The following GALNT13 variants were observed in gnomAD, a reference collection of about 807,000 sequenced individuals.
GALNT13 encodes polypeptide N-acetylgalactosaminyltransferase 13.
GALNT13 carries 28 observed loss-of-function variants against 64.2 expected under a neutral mutation model. The ratio of observed to expected loss-of-function variants is 0.44; its 90% CI spans 0.32 to 0.60. GALNT13 has a LOEUF of 0.60. Ranked by LOEUF, GALNT13 falls within the 20% of genes least tolerant of loss-of-function variation. The pLI is 0.05. For synonymous variants in GALNT13, 214 were observed against 224.6 expected (o/e 0.95, Z 0.42); for missense variants, 577 against 669.8 (o/e 0.86, Z 1.53).
chr2:153,635,367 T>C, the GALNT13 span, among the ~76,000 whole-genome samples: 1 of 141,990 alleles, frequency 7.0e-6, no homozygotes, highest in African/African-American at 2.6e-5. Flanking sequence ...AGATTTTTTC[T>C]AGAACTCTCT....
At chr2:153,481,269 TATTC>T in the GALNT13 span, among the ~76,000 whole-genome samples, 4 of 152,202 alleles carry the variant, frequency 2.6e-5, no homozygotes, top group Non-Finnish European at 5.9e-5. Context: ...TTATATTTAT[TATTC>T]ATTCATTAAT....
chr2:153,523,132 CT>C, the GALNT13 span, among the ~76,000 whole-genome samples: 1 of 137,464 alleles, frequency 7.3e-6, no homozygotes, highest in African/African-American at 2.8e-5. Flanking sequence ...ATTGCGTTGG[CT>C]TTGCTCCTTT....
At chr2:153,327,209 T>G in the GALNT13 span, among the ~76,000 whole-genome samples, 1 of 152,224 alleles carries the variant, frequency 6.6e-6, no homozygotes, top group African/African-American at 2.4e-5. Flanking sequence ...GGTAACCCTA[T>G]TCTTCTCTCT....
chr2:154,447,033 C>T (rs1045922368), intron 12 of GALNT13, among the ~76,000 whole-genome samples: 46 of 150,588 alleles, frequency 3.1e-4, no homozygotes, highest in Admixed American at 1.8e-3. Context: ...ACTTGATGAA[C>T]GATATTATGA....
At chr2:153,442,857 C>T in the GALNT13 span, among the ~76,000 whole-genome samples, 1 of 152,124 alleles carries the variant, frequency 6.6e-6, no homozygotes, top group Non-Finnish European at 1.5e-5. Context: ...GAGGGGAAAA[C>T]CGCCTACTCA....
chr2:153,111,598 C>T, the GALNT13 span, among the ~76,000 whole-genome samples: 1 of 152,078 alleles, frequency 6.6e-6, no homozygotes, highest in South Asian at 2.1e-4. Flanking sequence ...TACCCAGATT[C>T]CCAACACGAA....
the GALNT13 span, among the ~76,000 whole-genome samples, chr2:153,563,196 T>C: frequency 2.0e-5 from 3 of 152,126 alleles, no homozygotes; most frequent in Non-Finnish European, 2.9e-5. Flanking sequence ...GCTCTCCTTA[T>C]TGAATTTTGT....
chr2:153,399,466 C>A, the GALNT13 span, among the ~76,000 whole-genome samples: 4 of 151,996 alleles, frequency 2.6e-5, no homozygotes, highest in Admixed American at 2.6e-4. Flanking sequence ...TGAAGAAAGG[C>A]ATTGGTAGCT....
At chr2:153,644,497 C>T in the GALNT13 span, among the ~76,000 whole-genome samples, 2 of 151,974 alleles carry the variant, frequency 1.3e-5, no homozygotes, top group African/African-American at 4.8e-5. Context: ...GAAACTGGAG[C>T]TGTTAGCAGT....
At chr2:154,066,216 C>T (rs957575798) in intron 3 of GALNT13, among the ~76,000 whole-genome samples, 5 of 152,046 alleles carry the variant, frequency 3.3e-5, no homozygotes, top group African/African-American at 1.2e-4. Flanking sequence ...GATTGAAGCA[C>T]ACCTACAGGA....
the GALNT13 span, among the ~76,000 whole-genome samples, chr2:153,839,225 C>T: frequency 6.6e-6 from 1 of 151,782 alleles, no homozygotes; most frequent in Non-Finnish European, 1.5e-5. Flanking sequence ...TTTTACTCCT[C>T]ATTTCAAACT....
the GALNT13 span, among the ~76,000 whole-genome samples, chr2:153,279,836 T>C: frequency 6.6e-6 from 1 of 152,004 alleles, no homozygotes; most frequent in Non-Finnish European, 1.5e-5. Context: ...TTTTTTTTCA[T>C]TGTGTCTTTG....
intron 9 of GALNT13, among the ~76,000 whole-genome samples, chr2:154,367,210 C>T (rs942140552): frequency 1.3e-5 from 2 of 152,012 alleles, no homozygotes; most frequent in Non-Finnish European, 2.9e-5. Context: ...TAAGCAAGAT[C>T]ATTCTAAAAA....
At chr2:153,218,133 G>A in the GALNT13 span, among the ~76,000 whole-genome samples, 3 of 152,170 alleles carry the variant, frequency 2.0e-5, no homozygotes, top group African/African-American at 7.2e-5. Flanking sequence ...TCCATCCTCA[G>A]CCTTGAGTCT....
chr2:153,175,803 G>A, the GALNT13 span, among the ~76,000 whole-genome samples: 1 of 152,116 alleles, frequency 6.6e-6, no homozygotes, highest in African/African-American at 2.4e-5. Context: ...AAAGTGCCCT[G>A]CCAGGTGAAT....
chr2:153,590,263 T>C, the GALNT13 span, among the ~76,000 whole-genome samples: 1 of 152,138 alleles, frequency 6.6e-6, no homozygotes, highest in East Asian at 1.9e-4. Context: ...TCTGGGAACA[T>C]ACAACCTCTC....
the GALNT13 span, among the ~76,000 whole-genome samples, chr2:153,224,531 A>T: frequency 6.6e-6 from 1 of 152,216 alleles, no homozygotes; most frequent in African/African-American, 2.4e-5. Context: ...AACAAAATTA[A>T]AAACAGGAAA....
At chr2:153,243,080 T>A in the GALNT13 span, among the ~76,000 whole-genome samples, 1 of 152,246 alleles carries the variant, frequency 6.6e-6, no homozygotes, top group African/African-American at 2.4e-5. Flanking sequence ...ACTCTTCACA[T>A]GCTTGGATCA....
rs1302546381 is a variant in GALNT13 at position 154,301,575 on chromosome 2, A to G, written c.1142A>G (p.Tyr381Cys). ...VWMDEFKDFF[Y>C]IISPGVVKVD... ...ATGGATGAATTTAAAGATTTCTTCT[A>G]CATCATATCCCCAGGTACACAATTC... is the stretch of plus-strand genomic sequence containing the variant. The change falls in exon 9 of 13, where the codon TAC (tyrosine) becomes TGC (cysteine). Residue 381 changes from tyrosine (Y) to cysteine (C), a missense_variant. Coordinates refer to ENST00000392825, the MANE Select transcript of GALNT13 (RefSeq NM_052917.4). The G allele has an allele frequency of 6.2e-7, 1 of 1,610,168 alleles. No homozygotes were observed. Among genetic ancestry groups the G allele is most frequent in the African/African-American group, 1.3e-5 (1 of 74,868 alleles).
Sources: gnomAD v4.1 joint callset for allele counts (sites outside exome capture counted in the v4.1 genomes callset) on GRCh38, gnomAD v4.1.1 for gene constraint, MANE v1.5 for transcripts, NCBI Gene and HGNC (gene_info 2026-07-23, HGNC 2026-07-21) for gene names.